The following ATP7A variants were observed in gnomAD, a reference collection of about 807,000 sequenced individuals.
ATP7A encodes copper-transporting ATPase 1.
Under a neutral mutation model 83.5 loss-of-function variants are expected in ATP7A, and 7 were observed. That is an observed-to-expected ratio of 0.08 (90% CI 0.05 to 0.16). The LOEUF is 0.16. Ranked by LOEUF, ATP7A falls within the 10% of genes least tolerant of loss-of-function variation. The probability of loss-of-function intolerance (pLI) is 1.00; values close to 1 mark genes in which losing one functional copy is unlikely to be tolerated. For missense variants in ATP7A, 940 were observed against 1,120.8 expected, an observed-to-expected ratio of 0.84 and a Z score of 2.30; for synonymous variants, 354 against 395.2, an observed-to-expected ratio of 0.90 and a Z score of 1.24.
Position 78,038,941 on chromosome X carries a change from A to G in ATP7A, c.3617A>G (p.His1206Arg). 1 of 1,211,732 alleles carries G rather than the reference A, an allele frequency of 8.3e-7. No homozygotes were observed. Among genetic ancestry groups the G allele is most frequent in the Non-Finnish European group, 1.1e-6 (1 of 895,253 alleles). ...NNDVNDFMTE[H>R]ERKGRTAVLV... ...GATGTAAATGATTTCATGACTGAACATGAGAGAAAAGGTCGGACTGCTGTA... is the reference window on the plus strand; with the variant it reads ...GATGTAAATGATTTCATGACTGAACGTGAGAGAAAAGGTCGGACTGCTGTA... The change falls in exon 18 of 23, where the codon CAT becomes CGT. Residue 1206 changes from histidine (H) to arginine (R), a missense_variant. By Grantham distance (29) the His-to-Arg change is conservative (BLOSUM62 0). Transcript: ENST00000341514.
chrX:77,929,589 G>C (rs1416985087), intron 1 of ATP7A, among the ~76,000 whole-genome samples: 1 of 110,061 alleles, frequency 9.1e-6, no homozygotes, highest in African/African-American at 3.3e-5. Flanking sequence ...AAAATGTCTG[G>C]AGTATGATAG....
At chrX:77,947,682 C>T (rs1413196563) in intron 1 of ATP7A, among the ~76,000 whole-genome samples, 17 of 108,729 alleles carry the variant, frequency 1.6e-4, no homozygotes, top group East Asian at 1.1e-3. Flanking sequence ...GTGATCTGTC[C>T]GCCTCGGCCT....
intron 3 of ATP7A, 124 bp from the exon 4 acceptor site, chrX:77,989,109 A>G (rs1557231715): frequency 2.3e-6 from 2 of 856,470 alleles, no homozygotes; most frequent in African/African-American, 4.2e-5. Context: ...AAAAAAAATT[A>G]AGAAAATATG....
At chrX:77,946,535 GAA>G (rs1234259706) in intron 1 of ATP7A, among the ~76,000 whole-genome samples, 1 of 109,744 alleles carries the variant, frequency 9.1e-6, no homozygotes, top group Admixed American at 9.8e-5. Context: ...CAGAAAATCA[GAA>G]GAGAGGGCAA....
intron 1 of ATP7A, among the ~76,000 whole-genome samples, chrX:77,932,164 C>G (rs1406355342): frequency 4.4e-5 from 4 of 90,064 alleles, no homozygotes; most frequent in African/African-American, 7.8e-5. Context: ...AGTTGCCGGG[C>G]GGAGGGTCTC....
Position 78,021,120 on chromosome X carries a change from T to A in ATP7A, c.2916+41T>A, listed in dbSNP as rs782457873. On this transcript the variant is annotated intron_variant, in intron 14 of 22. Transcript: ENST00000341514. ...TAACTCGTTACTATATGCAGAACAA[T>A]TTGTGAGTCTTTTGCATTAGTAATT... 1.2e-5 allele frequency: 14 copies of A among 1,148,480 alleles called. No individual in the cohort carries two copies. The South Asian group carries it at 2.4e-4, about 19-fold the overall frequency. 94.6% of individuals were successfully genotyped at this position (1,148,480 alleles called of 1,213,427 possible). A position where few individuals can be genotyped will look rare whatever the true frequency, so the allele number is the denominator to read the frequency against.
At chrX:77,991,509 A>G (rs1243361935) in intron 4 of ATP7A, among the ~76,000 whole-genome samples, 2 of 111,540 alleles carry the variant, frequency 1.8e-5, no homozygotes, top group Non-Finnish European at 3.8e-5. Context: ...CTTGCCTATT[A>G]TGTATAACAC....
At chrX:77,997,794 G>C (rs1603382831) in intron 4 of ATP7A, among the ~76,000 whole-genome samples, 1 of 110,637 alleles carries the variant, frequency 9.0e-6, no homozygotes, top group African/African-American at 3.3e-5. Context: ...GTGCAAAATA[G>C]ACTTTTTGCT....
chrX:77,935,468 A>C (rs1396022702), intron 1 of ATP7A, among the ~76,000 whole-genome samples: 1 of 111,709 alleles, frequency 9.0e-6, no homozygotes, highest in Non-Finnish European at 1.9e-5. Flanking sequence ...TTAAATACTT[A>C]ACTATTTTAT....
intron 22 of ATP7A, among the ~76,000 whole-genome samples, 167 bp downstream of exon 22, chrX:78,045,739 T>C (rs2078079345): frequency 8.9e-6 from 1 of 112,229 alleles, no homozygotes; most frequent in African/African-American, 3.2e-5. Context: ...TCCCAGCACT[T>C]TGGGAGGCCG....
chrX:77,958,638 T>C (rs2077458361), intron 1 of ATP7A, among the ~76,000 whole-genome samples: 1 of 110,875 alleles, frequency 9.0e-6, no homozygotes, highest in South Asian at 3.8e-4. Flanking sequence ...AGACTGTCAT[T>C]GATATTTTTA....
At chrX:78,001,134 A>C (rs968969061) in intron 5 of ATP7A, among the ~76,000 whole-genome samples, 2 of 111,781 alleles carry the variant, frequency 1.8e-5, no homozygotes, top group African/African-American at 6.5e-5. Context: ...AGCTGAAGCA[A>C]AAAGATTTTT....
At chrX:77,962,848 G>T in intron 1 of ATP7A, 1 of 377,186 alleles carries the variant, frequency 2.7e-6, no homozygotes, top group East Asian at 7.6e-5. Flanking sequence ...AAAACATGAC[G>T]GGACCTCTTG....
At chrX:77,975,764 T>C (rs1310141375) in intron 2 of ATP7A, 1 of 111,768 alleles carries the variant, frequency 8.9e-6, no homozygotes, top group Non-Finnish European at 1.9e-5. Flanking sequence ...GTATTGGGAT[T>C]ACAGGCATGA....
intron 1 of ATP7A, among the ~76,000 whole-genome samples, chrX:77,928,481 G>A (rs2077255082): frequency 9.0e-6 from 1 of 110,983 alleles, no homozygotes. Flanking sequence ...TCCTTGAGTT[G>A]AGAGTAGTGT....
At position 78,020,806 on chromosome X, in the gene ATP7A, C is replaced by T. The variant is rs782458479; in HGVS notation, c.2782-139C>T. The T allele has an allele frequency of 9.6e-5, 65 of 673,605 alleles. No homozygotes were observed. In the South Asian group the frequency reaches 1.6e-3, roughly 17 times the overall value. 55.5% of individuals were successfully genotyped at this position (673,605 alleles called of 1,213,427 possible). ...AAAGTGTTGGGATTACAGGTGTGAG[C>T]CACCACACCTGGCCATTAACATGAA... On this transcript the variant is annotated intron_variant, in intron 13 of 22. Coordinates refer to ENST00000341514, the MANE Select transcript of ATP7A (RefSeq NM_000052.7).
chrX:77,944,133 C>T (rs1205358289), intron 1 of ATP7A, among the ~76,000 whole-genome samples: 2 of 111,888 alleles, frequency 1.8e-5, no homozygotes, highest in Admixed American at 9.5e-5. Context: ...GAAAAAAACA[C>T]GATGTCATTG....
chrX:77,968,141 A>T, intron 1 of ATP7A, among the ~76,000 whole-genome samples: 1 of 109,910 alleles, frequency 9.1e-6, no homozygotes, highest in South Asian at 4.0e-4. Flanking sequence ...GCAGGAAGGG[A>T]TTCTAATACA....
chrX:77,932,440 G>A (rs1430953627), intron 1 of ATP7A, among the ~76,000 whole-genome samples: 5 of 106,761 alleles, frequency 4.7e-5, no homozygotes, highest in Non-Finnish European at 9.7e-5. Context: ...CAGGCAGAGC[G>A]GCTCCTCACG....
Sources: allele counts gnomAD v4.1 joint callset (sites outside exome capture counted in the v4.1 genomes callset), GRCh38; gene constraint gnomAD v4.1.1; transcripts MANE v1.5; gene names NCBI Gene and HGNC (gene_info 2026-07-23, HGNC 2026-07-21).